Variants in TCF25 observed in about 807,000 individuals in gnomAD.
The protein encoded by TCF25 is ribosome quality control complex subunit TCF25.
A neutral mutation model predicts 83.1 loss-of-function variants in TCF25; 41 were observed. That is an observed-to-expected ratio of 0.49 (90% confidence interval 0.38 to 0.64). TCF25 has a LOEUF of 0.64. TCF25 is among the 30% of genes least tolerant of loss of function. TCF25 has a pLI of 0.00. For synonymous variants in TCF25, 458 were observed against 365.0 expected, an observed-to-expected ratio of 1.25 and a Z score of -2.90; for missense variants, 979 against 914.5, an observed-to-expected ratio of 1.07 and a Z score of -0.91.
At position 89,906,206 on chromosome 16, in the gene TCF25, C is replaced by T. The variant is rs965074258; in HGVS notation, c.1641C>T (p.Leu547=). The stretch of plus-strand genomic sequence containing the variant: ...TCCCCGGCCCTAGGCGGAAGGTGCT[C>T]TACCAGCGTGCACCCAGGAATATCC... The part of the protein sequence containing the change: ...VEACENRRKV[L]YQRAPRNIHR... The change falls in exon 15 of 18, where the codon CTC becomes CTT. Residue 547 remains leucine (L), a synonymous_variant. Transcript: ENST00000263346. 14 of 1,613,226 alleles carry T rather than the reference C, an allele frequency of 8.7e-6. No homozygotes were observed. The highest frequency in any genetic ancestry group is 6.7e-5 in the African/African-American group (5 of 74,930).
intron 11 of TCF25, among the ~76,000 whole-genome samples, chr16:89,900,378 AC>A (rs1308916289): frequency 6.6e-6 from 1 of 151,030 alleles, no homozygotes; most frequent in Admixed American, 6.6e-5. Flanking sequence ...TGGGACCCTC[AC>A]TCCCCACGGT....
At chr16:89,909,069 C>T (rs900963040) in intron 16 of TCF25, 49 of 1,289,392 alleles carry the variant, frequency 3.8e-5, no homozygotes, top group Middle Eastern at 2.1e-4. Context: ...GCTTGCGTGT[C>T]GGCCTCTGTG....
In TCF25 at chr16:89,873,611, G is replaced by A. The variant is rs1466624043; in HGVS notation, c.-57G>A. ...CGAAGAGTGCGCAGGCGCGCCGACA[G>A]CCGAGTTTTCTGCGCTTCCTTCTCC... On this transcript the variant is annotated 5_prime_UTR_variant, in exon 1 of 18. Transcript: ENST00000263346. 3 of 1,437,002 alleles carry A rather than the reference G, an allele frequency of 2.1e-6. No homozygotes were observed. Among genetic ancestry groups the A allele is most frequent in the South Asian group, 1.5e-5 (1 of 68,182 alleles). The allele number at this position is 1,437,002 out of a possible 1,614,324, so 89.0% of individuals were successfully genotyped here.
intron 16 of TCF25, chr16:89,909,909 C>CAACT (rs1320443361): frequency 2.0e-5 from 3 of 152,604 alleles, no homozygotes; most frequent in African/African-American, 7.2e-5. Flanking sequence ...GCAAGAGGGC[C>CAACT]AACTGCCAGG....
intron 1 of TCF25, among the ~76,000 whole-genome samples, chr16:89,881,917 G>A (rs1415186224): frequency 6.6e-6 from 1 of 151,906 alleles, no homozygotes; most frequent in Non-Finnish European, 1.5e-5. Context: ...ACTGCACCTG[G>A]CCGATTTTTT....
At chr16:89,898,189 G>A (rs912499865) in intron 9 of TCF25, among the ~76,000 whole-genome samples, 12 of 152,236 alleles carry the variant, frequency 7.9e-5, no homozygotes, top group African/African-American at 1.2e-4. Context: ...CAAGGAGAGC[G>A]CACACCTCCT....
intron 9 of TCF25, 80 bp downstream of exon 9, chr16:89,896,163 C>T: frequency 7.3e-7 from 1 of 1,361,774 alleles, no homozygotes; most frequent in Non-Finnish European, 1.0e-6. Flanking sequence ...GCAGTGGGCA[C>T]CTCATGGCTG....
intron 1 of TCF25, among the ~76,000 whole-genome samples, chr16:89,877,945 G>C (rs1184984955): frequency 6.6e-6 from 1 of 152,138 alleles, no homozygotes; most frequent in African/African-American, 2.4e-5. Flanking sequence ...AAAAATCTGA[G>C]CCCTTTTATC....
At chr16:89,907,375 GTTCC>G (rs2044907174) in intron 16 of TCF25, 53 bp downstream of exon 16, 9 of 46,150 alleles carry the variant, frequency 2.0e-4, no homozygotes, top group Non-Finnish European at 1.7e-4. Context: ...CCTCCTCCCA[GTTCC>G]CAGCTCCCAG....
At chr16:89,881,763 T>C (rs748767101) in intron 1 of TCF25, among the ~76,000 whole-genome samples, 2 of 152,028 alleles carry the variant, frequency 1.3e-5, no homozygotes, top group East Asian at 1.9e-4. Flanking sequence ...TCTTTTTTTT[T>C]TGTTTTCTTG....
intron 14 of TCF25, among the ~76,000 whole-genome samples, chr16:89,905,887 C>A (rs759535822): frequency 1.2e-4 from 19 of 152,220 alleles, no homozygotes; most frequent in Non-Finnish European, 1.8e-4. Context: ...GGTGTCCCTT[C>A]ATGGAGATGA....
intron 8 of TCF25, 106 bp downstream of exon 8, chr16:89,895,243 C>T: frequency 9.6e-7 from 1 of 1,045,180 alleles, no homozygotes; most frequent in South Asian, 1.5e-5. Context: ...ATATCCATGA[C>T]AGCTTTATTG....
At chr16:89,910,743 T>A in intron 17 of TCF25, 80 bp downstream of exon 17, 1 of 1,479,978 alleles carries the variant, frequency 6.8e-7, no homozygotes, top group Non-Finnish European at 9.4e-7. Context: ...TGGAGCCTCC[T>A]TGAACCAGGA....
intron 6 of TCF25, 38 bp from the exon 7 acceptor site, chr16:89,893,690 C>G: frequency 3.1e-6 from 5 of 1,612,796 alleles, no homozygotes; most frequent in Non-Finnish European, 4.2e-6. Flanking sequence ...CACGTCCCTG[C>G]TCCCGGCACA....
intron 6 of TCF25, among the ~76,000 whole-genome samples, chr16:89,893,196 A>G (rs2043563362): frequency 6.6e-6 from 1 of 152,188 alleles, no homozygotes. Context: ...TGAGCTTTCC[A>G]GGTTTATCAG....
At chr16:89,885,262 C>T (rs2042918524) in intron 3 of TCF25, among the ~76,000 whole-genome samples, 1 of 152,182 alleles carries the variant, frequency 6.6e-6, no homozygotes, top group Non-Finnish European at 1.5e-5. Context: ...AATGCTGCTT[C>T]TTGTTTTTAC....
chr16:89,876,674 C>T (rs1049496699), intron 1 of TCF25, among the ~76,000 whole-genome samples: 1 of 152,130 alleles, frequency 6.6e-6, no homozygotes, highest in African/African-American at 2.4e-5. Flanking sequence ...TGCCTGTATT[C>T]CCAGCACTTT....
intron 1 of TCF25, among the ~76,000 whole-genome samples, chr16:89,881,707 A>G (rs573638042): frequency 1.3e-4 from 20 of 151,958 alleles, no homozygotes; most frequent in African/African-American, 4.8e-4. Context: ...AGCCTCCCAA[A>G]GCGCTGGGAT....
At position 89,911,342 on chromosome 16, in the gene TCF25, C is replaced by T; in HGVS notation, c.*104C>T. On this transcript the variant is annotated 3_prime_UTR_variant, in exon 18 of 18. Transcript: ENST00000263346. ...AGTAGGGAAGCTGAGTGTGTCGCTCCCTGGTCCACTGTTTCTCCTATAAAT... is the reference window on the plus strand; with the variant it reads ...AGTAGGGAAGCTGAGTGTGTCGCTCTCTGGTCCACTGTTTCTCCTATAAAT... The T allele has an allele frequency of 6.9e-7, 1 of 1,443,996 alleles. No homozygotes were observed. Among genetic ancestry groups the T allele is most frequent in the Non-Finnish European group, 9.5e-7 (1 of 1,051,650 alleles). The allele number at this position is 1,443,996 out of a possible 1,614,324, so 89.4% of individuals were successfully genotyped here. A position where few individuals can be genotyped will look rare whatever the true frequency, so the allele number is the denominator to read the frequency against.
Sources: gnomAD v4.1 joint callset for allele counts (sites outside exome capture counted in the v4.1 genomes callset) on GRCh38, gnomAD v4.1.1 for gene constraint, MANE v1.5 for transcripts, NCBI Gene and HGNC (gene_info 2026-07-23, HGNC 2026-07-21) for gene names.